Variants in HERC2 observed in about 807,000 individuals in gnomAD.
HERC2 encodes E3 ubiquitin-protein ligase HERC2.
In HERC2, 102 loss-of-function variants were observed where a neutral mutation model predicts 537.7. That is an observed-to-expected ratio of 0.19 (90% CI 0.16 to 0.22). HERC2 has a LOEUF of 0.22. Ranked by LOEUF, HERC2 falls within the 10% of genes least tolerant of loss-of-function variation. The pLI is 1.00. For synonymous variants in HERC2, 2,224 were observed against 2,466.2 expected (o/e 0.90, Z 2.91); for missense variants, 4,236 against 6,198.2 (o/e 0.68, Z 10.63).
chr15:28,256,815 C>T (rs1359001583), intron 17 of HERC2, among the ~76,000 whole-genome samples: 6 of 152,142 alleles, frequency 3.9e-5, no homozygotes, highest in Non-Finnish European at 8.8e-5. Context: ...GGGATGGTCT[C>T]GATCTCCTGA....
chr15:28,247,064 A>T (rs1358711445), intron 21 of HERC2, among the ~76,000 whole-genome samples, 167 bp from the exon 22 acceptor site: 1 of 152,170 alleles, frequency 6.6e-6, no homozygotes, highest in Non-Finnish European at 1.5e-5. Flanking sequence ...GTATCATGTG[A>T]CTGGAGGGAC....
chr15:28,122,139 C>T lies in HERC2; in HGVS notation c.13189-710G>A, dbSNP rs1566914801. ...GGGGAAACAAGGTCCTGGCTGGGAT[C>T]ACACTAAAAGAAATCGGGAGTGCCT... On this transcript the variant is annotated intron_variant, in intron 85 of 92. Transcript: ENST00000261609. This position sits in a 1 kb window ranked among gnomAD's most constrained non-coding sequence, Gnocchi z 4.1. 6.6e-6 allele frequency among the ~76,000 whole-genome samples: 1 copy of T among 152,174 alleles called. No homozygotes were observed. Among genetic ancestry groups the T allele is most frequent in the Non-Finnish European group, 1.5e-5 (1 of 68,048 alleles).
chr15:28,287,221 A>G (rs1053507466), intron 4 of HERC2, among the ~76,000 whole-genome samples: 52 of 152,230 alleles, frequency 3.4e-4, no homozygotes, highest in African/African-American at 1.2e-3. Context: ...CTGAGATGGA[A>G]GAGCAAAAAA....
At chr15:28,228,126 CT>C (rs1901418955) in intron 35 of HERC2, 91 bp downstream of exon 35, 51 of 1,094,800 alleles carry the variant, frequency 4.7e-5, no homozygotes, top group African/African-American at 8.4e-5. Context: ...TTACAAAAAG[CT>C]TTAAAAAAAA....
At position 28,135,485 on chromosome 15, in the gene HERC2, T is replaced by C. The variant is rs780656191; in HGVS notation, c.12223A>G (p.Asn4075Asp). 1 of 1,613,154 alleles carries C rather than the reference T, an allele frequency of 6.2e-7. No homozygotes were observed. Among genetic ancestry groups the C allele is most frequent in the Non-Finnish European group, 8.5e-7 (1 of 1,179,112 alleles). ...EAEDGKLGHG[N>D]RSPCDRPRVI... ...AATTTTTTCACATCATACCTTCTGT[T>C]GCCATGCCCCAACTTCCCATCTTCT... The change falls in exon 79 of 93, where the codon AAC (asparagine) becomes GAC (aspartate). Residue 4075 changes from asparagine to aspartate, a missense_variant. By Grantham distance (23) the Asn-to-Asp change is conservative. This residue lies in a region of HERC2 where 94 missense variants were observed against 137.4 expected (regional missense o/e 0.68). Transcript: ENST00000261609.
rs1418394073 is a variant in HERC2, at chr15:28,257,187, C to T, written c.2391G>A (p.Met797Ile). 6.2e-7 allele frequency: 1 copy of T among 1,613,848 alleles called. No homozygotes were observed. The highest frequency in any genetic ancestry group is 8.5e-7 in the Non-Finnish European group (1 of 1,179,742). ...GCAGGAGATCCAGCTGCTCAAAAGTCATTGAGCAGATGTCCACCACAAAAG... is the reference window on the plus strand; with the variant it reads ...GCAGGAGATCCAGCTGCTCAAAAGTTATTGAGCAGATGTCCACCACAAAAG... ...RVPFVVDICS[M>I]TFEQLDLLLR... The change falls in exon 17 of 93, where the codon ATG becomes ATA. Residue 797 changes from methionine to isoleucine, a missense_variant. Transcript: ENST00000261609.
intron 23 of HERC2, among the ~76,000 whole-genome samples, chr15:28,242,708 C>T (rs914491328): frequency 1.3e-5 from 2 of 152,046 alleles, no homozygotes; most frequent in African/African-American, 4.8e-5. Flanking sequence ...ATCCATATGA[C>T]CAATATCATG....
rs918478038 is a variant in HERC2 at position 28,116,575 on chromosome 15, C to T, written c.13609+90G>A. ...AACTAAAAGCAGATATTCAAGATATCTACTGTCACTCCTCAAACAGATAGT... is the reference window on the plus strand; with the variant it reads ...AACTAAAAGCAGATATTCAAGATATTTACTGTCACTCCTCAAACAGATAGT... On this transcript the variant is annotated intron_variant, in intron 88 of 92. Coordinates refer to ENST00000261609, the MANE Select transcript of HERC2 (RefSeq NM_004667.6). The T allele has an allele frequency of 5.6e-6, 7 of 1,259,626 alleles. No homozygotes were observed. The African/African-American group carries it at 6.0e-5, about 11-fold the overall frequency. The allele number at this position is 1,259,626 out of a possible 1,614,324, so 78.0% of individuals were successfully genotyped here.
At chr15:28,295,316 G>A (rs1177703641) in intron 3 of HERC2, among the ~76,000 whole-genome samples, 2 of 136,106 alleles carry the variant, frequency 1.5e-5, no homozygotes, top group Non-Finnish European at 3.2e-5. Flanking sequence ...TGTGGGGGGG[G>A]GGGAGTGGGG....
chr15:28,142,471 G>C, intron 75 of HERC2, 78 bp from the exon 76 acceptor site: 1 of 1,409,054 alleles, frequency 7.1e-7, no homozygotes, highest in Non-Finnish European at 9.7e-7. Context: ...GGCTCCTTCC[G>C]CAGGACCTCC....
rs187791579 is a variant in HERC2 at position 28,164,606 on chromosome 15, C to T, written c.10555-1321G>A. ...ACAGAAAATATGTCTAGAAGAATTG[C>T]TAAGGAAGAAAATCACTAGCGGCAT... On this transcript the variant is annotated intron_variant, in intron 68 of 92. Coordinates refer to ENST00000261609, the MANE Select transcript of HERC2 (RefSeq NM_004667.6). Among the ~76,000 whole-genome samples the T allele has an allele frequency of 1.3e-3, 199 of 152,042 alleles. 1 individual carries two copies. The Middle Eastern group carries it at 0.037, about 29-fold the overall frequency.
chr15:28,117,848 C>T (rs541541485), intron 86 of HERC2: 11 of 327,928 alleles, frequency 3.4e-5, no homozygotes, highest in South Asian at 2.2e-4. Context: ...AGGGCCCCGC[C>T]GCAGCAGGAC....
intron 38 of HERC2, among the ~76,000 whole-genome samples, chr15:28,217,427 CTCA>C (rs1289899700): frequency 6.6e-6 from 1 of 152,206 alleles, no homozygotes; most frequent in African/African-American, 2.4e-5. Flanking sequence ...CACACTCACT[CTCA>C]TCAATATGTG....
chr15:28,231,828 A>G (rs1361618738), intron 30 of HERC2, among the ~76,000 whole-genome samples: 2 of 144,882 alleles, frequency 1.4e-5, no homozygotes, highest in Admixed American at 6.6e-5. Context: ...TTTTCAAGTT[A>G]CTTAATTTCC....
chr15:28,217,338 C>T (rs1900039491), intron 38 of HERC2, among the ~76,000 whole-genome samples: 1 of 152,156 alleles, frequency 6.6e-6, no homozygotes, highest in African/African-American at 2.4e-5. Context: ...CATGGACACA[C>T]ACCCACACAA....
intron 19 of HERC2, among the ~76,000 whole-genome samples, chr15:28,254,882 A>G (rs1019725658): frequency 2.6e-5 from 4 of 152,208 alleles, no homozygotes; most frequent in Non-Finnish European, 5.9e-5. Context: ...GAATTCTCAC[A>G]TACTTGTTCA....
At chr15:28,228,178 T>G in intron 35 of HERC2, 40 bp downstream of exon 35, 14 of 1,565,720 alleles carry the variant, frequency 8.9e-6, no homozygotes, top group Middle Eastern at 1.7e-4. Flanking sequence ...AGCAAAATCT[T>G]GACATTTTCC....
chr15:28,168,547 G>A lies in HERC2; in HGVS notation c.10273C>T (p.Pro3425Ser), dbSNP rs201715294. ...GALMPAAMIA[P>S]VECPSFSSAA... ...GAGGAGAACGAGGGGCACTCCACCG[G>A]GGCGATCATGGCGGCCGGCATCAGG... The change falls in exon 67 of 93, where the codon CCG becomes TCG. Residue 3425 changes from proline to serine, a missense_variant. This residue lies in a region of HERC2 where 356 missense variants were observed against 450.9 expected (regional missense o/e 0.79). Transcript: ENST00000261609. The A allele has an allele frequency of 1.9e-6, 3 of 1,614,216 alleles. No individual in the cohort carries two copies. In the East Asian group the frequency reaches 6.7e-5, roughly 36 times the overall value.
intron 44 of HERC2, among the ~76,000 whole-genome samples, chr15:28,207,631 ACT>A (rs1401683488): frequency 1.3e-5 from 2 of 151,610 alleles, no homozygotes; most frequent in Non-Finnish European, 2.9e-5. Context: ...AGCCTTTAGG[ACT>A]CTGTTTGACA....
Sources: allele counts gnomAD v4.1 joint callset (sites outside exome capture counted in the v4.1 genomes callset), GRCh38; gene constraint gnomAD v4.1.1; regional missense constraint gnomAD v4.1.1; non-coding constraint Gnocchi (gnomAD v3.1); transcripts MANE v1.5; gene names NCBI Gene and HGNC (gene_info 2026-07-23, HGNC 2026-07-21).